Variants in ANKRD12 observed in about 807,000 individuals in gnomAD.
ANKRD12 encodes ankyrin repeat domain 12.
ANKRD12 carries 85 observed loss-of-function variants against 183.4 expected under a neutral mutation model. That is an observed-to-expected ratio of 0.46 (90% confidence interval 0.39 to 0.56). ANKRD12 has a LOEUF of 0.56. Among genes scored for constraint, ANKRD12 ranks in the 20% least tolerant of loss-of-function variants. ANKRD12 has a pLI of 0.00. For missense variants in ANKRD12, 2,405 were observed against 2,357.1 expected (o/e 1.02, Z -0.42); for synonymous variants, 914 against 800.2 (o/e 1.14, Z -2.40).
At position 9,254,709 on chromosome 18, in the gene ANKRD12, A is replaced by G. The variant is rs1220572245; in HGVS notation, c.1442A>G (p.Lys481Arg). Residue 481 changes from lysine to arginine, a missense_variant, in exon 9 of 13, where the codon AAA becomes AGA. Around this residue, in one of 7 missense-constraint regions of ANKRD12, gnomAD observed 1,983 missense variants for 1,725.9 expected, o/e 1.15. Transcript: ENST00000262126. The part of the protein sequence containing the change: ...KVKRKLKNQN[K>R]NKENQELKQE... ...AAAAGAAAATTGAAAAATCAGAATA[A>G]AAATAAAGAGAACCAAGAGCTAAAG... The G allele has an allele frequency of 1.3e-6, 2 of 1,518,940 alleles. No individual in the cohort carries two copies. The highest frequency in any genetic ancestry group is 4.7e-5 in the Admixed American group (2 of 42,536). 94.1% of individuals were successfully genotyped at this position (1,518,940 alleles called of 1,614,324 possible).
chr18:9,208,209 G>C (rs965443409), intron 4 of ANKRD12, among the ~76,000 whole-genome samples: 1 of 152,088 alleles, frequency 6.6e-6, no homozygotes, highest in African/African-American at 2.4e-5. Flanking sequence ...TATTTAGCTC[G>C]TTGGAAGTTT....
intron 1 of ANKRD12, among the ~76,000 whole-genome samples, chr18:9,164,508 A>G (rs368213590): frequency 2.0e-5 from 3 of 152,070 alleles, no homozygotes; most frequent in Non-Finnish European, 4.4e-5. Flanking sequence ...TTAATTTGGT[A>G]TCTTCCTAGC....
chr18:9,262,777 C>G (rs1007701875), intron 9 of ANKRD12, among the ~76,000 whole-genome samples: 2 of 128,324 alleles, frequency 1.6e-5, no homozygotes, highest in African/African-American at 5.6e-5. Context: ...CATGCCCAGC[C>G]AAGATGTCCC....
chr18:9,180,064 T>C (rs2033590109), intron 1 of ANKRD12, among the ~76,000 whole-genome samples: 2 of 152,182 alleles, frequency 1.3e-5, no homozygotes, highest in Admixed American at 6.5e-5. Context: ...AGTTGAAGCC[T>C]CCAGCTGTAG....
intron 10 of ANKRD12, among the ~76,000 whole-genome samples, chr18:9,265,459 G>C (rs1380523134): frequency 6.6e-6 from 1 of 152,136 alleles, no homozygotes; most frequent in African/African-American, 2.4e-5. Context: ...AGCAACATTT[G>C]CTGTTCACCA....
At chr18:9,196,926 T>C (rs1169769755) in intron 3 of ANKRD12, among the ~76,000 whole-genome samples, 1 of 152,156 alleles carries the variant, frequency 6.6e-6, no homozygotes, top group Non-Finnish European at 1.5e-5. Context: ...GGTGCTTATG[T>C]GCCTTTGGGA....
chr18:9,243,523 C>T (rs1231981567), intron 8 of ANKRD12, among the ~76,000 whole-genome samples: 2 of 152,166 alleles, frequency 1.3e-5, no homozygotes, highest in East Asian at 3.8e-4. Flanking sequence ...TAGGAAGCAG[C>T]AGGGTAAGTT....
In ANKRD12 at chr18:9,255,241, A is replaced by G. The variant is rs1473022129; in HGVS notation, c.1974A>G (p.Lys658=). The G allele has an allele frequency of 4.5e-6, 7 of 1,571,878 alleles. No individual in the cohort carries two copies. The highest frequency in any genetic ancestry group is 6.0e-6 in the Non-Finnish European group (7 of 1,167,944). The stretch of plus-strand genomic sequence containing the variant: ...TAAAAAAACATAAATTGAAGCATAA[A>G]GAGAGGGAAAAAGAAAAGCATAAAA... ...KTLKKHKLKH[K]EREKEKHKKE... Residue 658 remains lysine (K), a synonymous_variant, in exon 9 of 13, where the codon AAA becomes AAG. Transcript: ENST00000262126.
At chr18:9,208,526 GCTA>G (rs2035609092) in intron 4 of ANKRD12, 128 bp from the exon 5 acceptor site, 1 of 605,954 alleles carries the variant, frequency 1.7e-6, no homozygotes, top group Non-Finnish European at 2.6e-6. Flanking sequence ...CTTTTGTCTG[GCTA>G]CTACTAGTTC....
chr18:9,257,245 A>G lies in ANKRD12; in HGVS notation c.3978A>G (p.Ile1326Met), dbSNP rs1434050091. 1.9e-6 allele frequency: 3 copies of G among 1,614,142 alleles called. No homozygotes were observed. Among genetic ancestry groups the G allele is most frequent in the Admixed American group, 3.3e-5 (2 of 60,006 alleles). The change falls in exon 9 of 13, where the codon ATA becomes ATG. Residue 1326 changes from isoleucine to methionine, a missense_variant. Transcript: ENST00000262126. ...AACATACCAAACAATTCCAAACAAT[A>G]TCAGAAGAGAGCAATCAAGGTAGCT... The part of the protein sequence containing the change: ...ICEHTKQFQT[I>M]SEESNQGSLL...
chr18:9,180,846 T>A (rs1421525168), intron 1 of ANKRD12, among the ~76,000 whole-genome samples: 1 of 152,222 alleles, frequency 6.6e-6, no homozygotes. Flanking sequence ...TTGACACTCC[T>A]TTAGTTCACT....
Position 9,281,179 on chromosome 18 carries a change from T to G in ANKRD12, c.*53T>G. On this transcript the variant is annotated 3_prime_UTR_variant, in exon 13 of 13. Coordinates refer to ENST00000262126, the MANE Select transcript of ANKRD12 (RefSeq NM_015208.5). ...CTAAACTGGTGATGCTCAAGCATTA[T>G]ACTGTGGAATACTGCCTTTTGACAA... 1 of 1,416,526 alleles carries G rather than the reference T, an allele frequency of 7.1e-7. No homozygotes were observed. 87.7% of individuals were successfully genotyped at this position (1,416,526 alleles called of 1,614,324 possible). A position where few individuals can be genotyped will look rare whatever the true frequency, so the allele number is the denominator to read the frequency against.
At chr18:9,147,830 AGTG>A (rs1327252185) in intron 1 of ANKRD12, among the ~76,000 whole-genome samples, 9 of 152,348 alleles carry the variant, frequency 5.9e-5, no homozygotes, top group African/African-American at 1.9e-4. Context: ...TCTAAAAGGA[AGTG>A]GTGAATTGCC....
At chr18:9,157,254 G>A (rs185842246) in intron 1 of ANKRD12, among the ~76,000 whole-genome samples, 103 of 152,118 alleles carry the variant, frequency 6.8e-4, no homozygotes, top group African/African-American at 1.4e-3. Context: ...AGTAGCCTAC[G>A]GTTGAACAAA....
intron 8 of ANKRD12, among the ~76,000 whole-genome samples, chr18:9,223,902 T>C (rs528986943): frequency 2.1e-4 from 32 of 152,320 alleles, no homozygotes; most frequent in African/African-American, 7.0e-4. Context: ...TTCATAGTTA[T>C]CTTCATTAAA....
At chr18:9,174,886 AG>A (rs1344776863) in intron 1 of ANKRD12, among the ~76,000 whole-genome samples, 48 of 152,346 alleles carry the variant, frequency 3.2e-4, no homozygotes, top group African/African-American at 1.1e-3. Context: ...TATTCAAGTC[AG>A]ACTTAAGTTG....
At chr18:9,172,209 C>G (rs146869440) in intron 1 of ANKRD12, among the ~76,000 whole-genome samples, 140 of 152,000 alleles carry the variant, frequency 9.2e-4, no homozygotes, top group African/African-American at 3.3e-3. Flanking sequence ...GATTATGTTT[C>G]TTGGGATTGA....
Position 9,218,412 on chromosome 18 carries a change from A to AC in ANKRD12, c.795+1514dup, listed in dbSNP as rs2036230491. Among the ~76,000 whole-genome samples, 3 of 152,192 alleles carry AC rather than the reference A, an allele frequency of 2.0e-5. No homozygotes were observed. In the South Asian group the frequency reaches 6.2e-4, roughly 32 times the overall value. On this transcript the variant is annotated intron_variant, in intron 7 of 12. Transcript: ENST00000262126. ...TGCGTTAGGAGGAAGAATGAGAGCCACCAAAAATTCATTTCTGTATATCCC... is the reference window on the plus strand; with the variant it reads ...TGCGTTAGGAGGAAGAATGAGAGCCACCCAAAAATTCATTTCTGTATATCCC...
chr18:9,257,585 A>G lies in ANKRD12; in HGVS notation c.4318A>G (p.Asn1440Asp), dbSNP rs1423095048. The change falls in exon 9 of 13, where the codon AAC (asparagine) becomes GAC (aspartate). Residue 1440 changes from asparagine to aspartate, a missense_variant. By Grantham distance (23) the Asn-to-Asp change is conservative. This residue lies in a region of ANKRD12 where 1,983 missense variants were observed against 1,725.9 expected (regional missense o/e 1.15). Coordinates refer to ENST00000262126, the MANE Select transcript of ANKRD12 (RefSeq NM_015208.5). The part of the protein sequence containing the change: ...STRDFICPNS[N>D]IPDQESSLQS... ...CAGAGACTTTATCTGCCCAAATTCT[A>G]ACATACCTGATCAAGAATCCTCTCT... 4 of 1,613,984 alleles carry G rather than the reference A, an allele frequency of 2.5e-6. No individual in the cohort carries two copies. The highest frequency in any genetic ancestry group is 3.3e-5 in the Admixed American group (2 of 59,994).
Sources: gnomAD v4.1 joint callset for allele counts (sites outside exome capture counted in the v4.1 genomes callset) on GRCh38, gnomAD v4.1.1 for gene constraint, gnomAD v4.1.1 regional missense constraint, MANE v1.5 for transcripts, NCBI Gene and HGNC (gene_info 2026-07-23, HGNC 2026-07-21) for gene names.